YTHDC1: variants seen among roughly 807,000 people sequenced by gnomAD.
YTHDC1 encodes YTH domain-containing protein 1.
A neutral mutation model predicts 107.0 loss-of-function variants in YTHDC1; 12 were observed. The observed-to-expected ratio is 0.11, with a 90% CI of 0.07 to 0.18. YTHDC1 has a LOEUF of 0.18. Among genes scored for constraint, YTHDC1 ranks in the 10% least tolerant of loss-of-function variants. The probability of loss-of-function intolerance (pLI) is 1.00; values close to 1 mark genes in which losing one functional copy is unlikely to be tolerated. For synonymous variants in YTHDC1, 280 were observed against 289.5 expected (o/e 0.97, Z 0.33); for missense variants, 635 against 898.8 (o/e 0.71, Z 3.75).
chr4:68,329,225 A>G (rs888699372), intron 9 of YTHDC1, among the ~76,000 whole-genome samples: 7 of 151,988 alleles, frequency 4.6e-5, no homozygotes, highest in African/African-American at 1.7e-4. Flanking sequence ...TCACACATCC[A>G]TATGCCCTCC....
rs911697734 is a variant in YTHDC1 at position 68,349,933 on chromosome 4, C to T, written c.-180G>A. The T allele has an allele frequency of 3.6e-6, 3 of 827,216 alleles. No individual in the cohort carries two copies. Among genetic ancestry groups the T allele is most frequent in the Non-Finnish European group, 5.7e-6 (3 of 522,988 alleles). 51.2% of individuals were successfully genotyped at this position (827,216 alleles called of 1,614,324 possible). On this transcript the variant is annotated 5_prime_UTR_variant, in exon 1 of 17. Transcript: ENST00000344157. ...ACTCTTCCCGCTTTTTCCCTTTCTCCCTTCCTTTCACTCCAGCATCCAGCG... is the reference window on the plus strand; with the variant it reads ...ACTCTTCCCGCTTTTTCCCTTTCTCTCTTCCTTTCACTCCAGCATCCAGCG...
intron 15 of YTHDC1, 59 bp from the exon 16 acceptor site, chr4:68,316,507 T>C (rs1470679318): frequency 3.2e-6 from 5 of 1,557,496 alleles, no homozygotes; most frequent in South Asian, 1.2e-5. Flanking sequence ...AACAAGCGAT[T>C]CTTAGAACCC....
intron 4 of YTHDC1, among the ~76,000 whole-genome samples, chr4:68,335,339 A>G (rs918683479): frequency 7.9e-5 from 12 of 152,200 alleles, no homozygotes; most frequent in Admixed American, 7.9e-4. Context: ...CATGTTCCAC[A>G]TAAGGGATTT....
chr4:68,325,412 G>C (rs1238156647), intron 9 of YTHDC1, among the ~76,000 whole-genome samples: 3 of 152,142 alleles, frequency 2.0e-5, no homozygotes, highest in Non-Finnish European at 4.4e-5. Flanking sequence ...AACTAAGGCA[G>C]GGATACATTT....
At position 68,322,991 on chromosome 4, in the gene YTHDC1, A is replaced by T; in HGVS notation, c.1435-76T>A. 1 of 1,452,298 alleles carries T rather than the reference A, an allele frequency of 6.9e-7. No individual in the cohort carries two copies. 90.0% of individuals were successfully genotyped at this position (1,452,298 alleles called of 1,614,324 possible). ...GACTTGCATTTTCCTGATGTACCAG[A>T]ACAAAAACTGACTTGGAAGCTTTCT... On this transcript the variant is annotated intron_variant, in intron 10 of 16. Coordinates refer to ENST00000344157, the MANE Select transcript of YTHDC1 (RefSeq NM_001031732.4). The surrounding 1 kb of genome is among the most constrained non-coding windows in gnomAD (Gnocchi z 4.8).
In YTHDC1 at chr4:68,313,868, G is replaced by T; in HGVS notation, c.*231C>A. ...CTACATTCTTGGACTGTTCCATTCTGCCCCAATAAAAGTGTCAATTCAACT... is the reference window on the plus strand; with the variant it reads ...CTACATTCTTGGACTGTTCCATTCTTCCCCAATAAAAGTGTCAATTCAACT... On this transcript the variant is annotated 3_prime_UTR_variant, in exon 17 of 17. Coordinates refer to ENST00000344157, the MANE Select transcript of YTHDC1 (RefSeq NM_001031732.4). The T allele has an allele frequency of 1.7e-6, 1 of 581,434 alleles. No individual in the cohort carries two copies. The highest frequency in any genetic ancestry group is 3.0e-6 in the Non-Finnish European group (1 of 328,666). 36.0% of individuals were successfully genotyped at this position (581,434 alleles called of 1,614,324 possible). A position where few individuals can be genotyped will look rare whatever the true frequency, so the allele number is the denominator to read the frequency against.
At chr4:68,349,120 T>G (rs1725779569) in intron 1 of YTHDC1, among the ~76,000 whole-genome samples, 1 of 152,218 alleles carries the variant, frequency 6.6e-6, no homozygotes, top group Admixed American at 6.5e-5. Context: ...TTTGCCAGCC[T>G]AAGTCACACA....
In YTHDC1 at chr4:68,322,592, G is replaced by T; in HGVS notation, c.1601+157C>A. On this transcript the variant is annotated intron_variant, in intron 11 of 16. Coordinates refer to ENST00000344157, the MANE Select transcript of YTHDC1 (RefSeq NM_001031732.4). This position sits in a 1 kb window ranked among gnomAD's most constrained non-coding sequence, Gnocchi z 4.8. ...AAATGACTGAGACCAAGGTGACCATGTGAAATCCTCAATGAAGCCACAAAC... is the reference window on the plus strand; with the variant it reads ...AAATGACTGAGACCAAGGTGACCATTTGAAATCCTCAATGAAGCCACAAAC... The T allele has an allele frequency of 2.4e-6, 2 of 850,810 alleles. No homozygotes were observed. Among genetic ancestry groups the T allele is most frequent in the Non-Finnish European group, 3.5e-6 (2 of 577,438 alleles). 52.7% of individuals were successfully genotyped at this position (850,810 alleles called of 1,614,324 possible). A position where few individuals can be genotyped will look rare whatever the true frequency, so the allele number is the denominator to read the frequency against.
At chr4:68,333,543 G>A (rs983988416) in intron 4 of YTHDC1, 146 bp from the exon 5 acceptor site, 61 of 517,782 alleles carry the variant, frequency 1.2e-4, no homozygotes, top group Admixed American at 2.5e-4. Context: ...AATTTCCTCA[G>A]AATGTTTTAT....
chr4:68,312,576 T>C lies in YTHDC1; in HGVS notation c.*1523A>G, dbSNP rs1721389206. The C allele has an allele frequency of 1.3e-5, 2 of 152,224 alleles. No individual in the cohort carries two copies. Among genetic ancestry groups the C allele is most frequent in the African/African-American group, 4.8e-5 (2 of 41,460 alleles). 9.4% of individuals were successfully genotyped at this position (152,224 alleles called of 1,614,324 possible). ...AACAAATCCTCAGGCTTTAGTTTTGTCATTGTAAATAAAACTTCTGTGAAT... is the reference window on the plus strand; with the variant it reads ...AACAAATCCTCAGGCTTTAGTTTTGCCATTGTAAATAAAACTTCTGTGAAT... On this transcript the variant is annotated 3_prime_UTR_variant, in exon 17 of 17. Transcript: ENST00000344157.
At chr4:68,317,794 T>TA (rs1432097461) in intron 15 of YTHDC1, among the ~76,000 whole-genome samples, 2 of 152,168 alleles carry the variant, frequency 1.3e-5, no homozygotes, top group African/African-American at 4.8e-5. Flanking sequence ...TTCACCATGA[T>TA]ATAATCAGAA....
At position 68,332,200 on chromosome 4, in the gene YTHDC1, G is replaced by GA. The variant is rs201815322; in HGVS notation, c.1028-4dup. ...ATATTTGAGTTTACTGGTTTGATCT[G>GA]AAAAAAAAAGAAACCCAAATCGATT... On this transcript the variant is annotated splice_region_variant and splice_polypyrimidine_tract_variant and intron_variant, in intron 6 of 16. Coordinates refer to ENST00000344157, the MANE Select transcript of YTHDC1 (RefSeq NM_001031732.4). 3,632 of 1,534,370 alleles carry GA rather than the reference G, an allele frequency of 2.4e-3. 18 individuals carry two copies. Among genetic ancestry groups the GA allele is most frequent in the African/African-American group, 0.022 (1,564 of 70,910 alleles).
chr4:68,320,697 T>C (rs1195462407), intron 11 of YTHDC1, among the ~76,000 whole-genome samples: 6 of 152,148 alleles, frequency 3.9e-5, no homozygotes, highest in African/African-American at 1.4e-4. Flanking sequence ...TAAGAATTTA[T>C]TTTTCCTCTG....
Position 68,313,921 on chromosome 4 carries a change from A to C in YTHDC1, c.*178T>G, listed in dbSNP as rs1463885625. The C allele has an allele frequency of 7.3e-6, 5 of 683,712 alleles. No individual in the cohort carries two copies. In the African/African-American group the frequency reaches 9.0e-5, roughly 12 times the overall value. The allele number at this position is 683,712 out of a possible 1,614,324, so 42.4% of individuals were successfully genotyped here. Reference sequence around the variant, plus strand: ...CAGCTGTGGATTTTTGGCGGATTTGAGTTTTTCCAGTTCTTATGATACTGC... The same window carrying C: ...CAGCTGTGGATTTTTGGCGGATTTGCGTTTTTCCAGTTCTTATGATACTGC... On this transcript the variant is annotated 3_prime_UTR_variant, in exon 17 of 17. Coordinates refer to ENST00000344157, the MANE Select transcript of YTHDC1 (RefSeq NM_001031732.4).
chr4:68,337,987 A>AG (rs1724405355), intron 2 of YTHDC1, 87 bp from the exon 3 acceptor site: 1 of 1,498,514 alleles, frequency 6.7e-7, no homozygotes, highest in Admixed American at 2.5e-5. Context: ...TATATACATC[A>AG]GGAAGGGGGG....
intron 12 of YTHDC1, among the ~76,000 whole-genome samples, chr4:68,319,466 C>T (rs994277704): frequency 6.6e-6 from 1 of 152,142 alleles, no homozygotes; most frequent in African/African-American, 2.4e-5. Context: ...ACTATTTTCA[C>T]TTTCTACAAC....
intron 12 of YTHDC1, among the ~76,000 whole-genome samples, chr4:68,319,474 A>C (rs1353108075): frequency 6.6e-6 from 1 of 152,174 alleles, no homozygotes; most frequent in African/African-American, 2.4e-5. Flanking sequence ...CACTTTCTAC[A>C]ACAGGACAAC....
intron 1 of YTHDC1, among the ~76,000 whole-genome samples, chr4:68,341,842 T>A (rs1724835574): frequency 6.6e-6 from 1 of 152,270 alleles, no homozygotes; most frequent in South Asian, 2.1e-4. Flanking sequence ...GAGTTCAAGA[T>A]TCTTCACCTC....
rs1722497373 is a variant in YTHDC1, at chr4:68,322,026, C to T, written c.1601+723G>A. ...CTTTTAAGTCCACAGGTACTGCCAGCATCTGGAAAAGTTGTAAACAGACAC... is the reference window on the plus strand; with the variant it reads ...CTTTTAAGTCCACAGGTACTGCCAGTATCTGGAAAAGTTGTAAACAGACAC... On this transcript the variant is annotated intron_variant, in intron 11 of 16. Transcript: ENST00000344157. This position sits in a 1 kb window ranked among gnomAD's most constrained non-coding sequence, Gnocchi z 4.8. Among the ~76,000 whole-genome samples, 1 of 152,202 alleles carries T rather than the reference C, an allele frequency of 6.6e-6. No individual in the cohort carries two copies. Among genetic ancestry groups the T allele is most frequent in the Admixed American group, 6.5e-5 (1 of 15,274 alleles).
Sources: allele counts gnomAD v4.1 joint callset (sites outside exome capture counted in the v4.1 genomes callset), GRCh38; gene constraint gnomAD v4.1.1; non-coding constraint Gnocchi (gnomAD v3.1); transcripts MANE v1.5; gene names NCBI Gene and HGNC (gene_info 2026-07-23, HGNC 2026-07-21).